SGCD: variants seen among roughly 807,000 people sequenced by gnomAD.
The protein encoded by SGCD is sarcoglycan delta.
SGCD carries 18 observed loss-of-function variants against 36.6 expected under a neutral mutation model. The ratio of observed to expected loss-of-function variants is 0.49; its 90% CI spans 0.34 to 0.73. The LOEUF is 0.73. Among genes scored for constraint, SGCD ranks in the 30% least tolerant of loss-of-function variants. The pLI, the probability that SGCD is intolerant of heterozygous loss-of-function variation, is 0.01. For missense variants in SGCD, 387 were observed against 346.7 expected, an observed-to-expected ratio of 1.12 and a Z score of -0.92; for synonymous variants, 133 against 130.6, an observed-to-expected ratio of 1.02 and a Z score of -0.12.
intron 1 of SGCD, among the ~76,000 whole-genome samples, chr5:156,011,449 GT>G (rs200104490): frequency 2.3e-4 from 34 of 145,400 alleles, no homozygotes; most frequent in East Asian, 8.0e-4. Flanking sequence ...GAATTCTATT[GT>G]TTTTTTTTTT....
intron 3 of SGCD, among the ~76,000 whole-genome samples, chr5:156,452,602 C>T (rs1754069870): frequency 6.6e-6 from 1 of 152,106 alleles, no homozygotes; most frequent in Non-Finnish European, 1.5e-5. Context: ...TTAGAATACA[C>T]CTAATAGATG....
intron 3 of SGCD, among the ~76,000 whole-genome samples, chr5:156,265,280 A>T (rs1765968581): frequency 6.6e-6 from 1 of 151,978 alleles, no homozygotes; most frequent in Non-Finnish European, 1.5e-5. Context: ...TTGGGGAGGG[A>T]GGTAGGGAGA....
At chr5:155,830,439 C>T in the SGCD span, among the ~76,000 whole-genome samples, 1 of 152,182 alleles carries the variant, frequency 6.6e-6, no homozygotes, top group African/African-American at 2.4e-5. Flanking sequence ...GCCTCTATCT[C>T]CAAATGCAGT....
intron 3 of SGCD, among the ~76,000 whole-genome samples, chr5:156,168,851 T>C (rs1763274325): frequency 6.6e-6 from 1 of 152,070 alleles, no homozygotes; most frequent in South Asian, 2.1e-4. Flanking sequence ...TCTCAAGAAG[T>C]TGGAATCAGC....
chr5:155,748,986 T>C, the SGCD span, among the ~76,000 whole-genome samples: 9,831 of 152,250 alleles, frequency 0.065, 799 homozygotes, highest in African/African-American at 0.19. Context: ...CAGGTAATGC[T>C]AGGAGTTAAT....
chr5:156,058,200 A>G (rs769488807), intron 1 of SGCD, among the ~76,000 whole-genome samples: 5 of 146,368 alleles, frequency 3.4e-5, no homozygotes, highest in Non-Finnish European at 6.2e-5. Flanking sequence ...ATAATTACCA[A>G]TTTATATTAA....
chr5:155,774,425 C>T, the SGCD span, among the ~76,000 whole-genome samples: 1 of 152,082 alleles, frequency 6.6e-6, no homozygotes, highest in Non-Finnish European at 1.5e-5. Flanking sequence ...CAGATCAGTG[C>T]AAATTTAGTT....
chr5:156,653,493 C>CTTTTTTTTTTTTTTTTTT (rs111458843), intron 7 of SGCD, among the ~76,000 whole-genome samples: 1,822 of 47,978 alleles, frequency 0.038, 707 homozygotes, highest in Non-Finnish European at 0.055. Context: ...CTAAAGCTTG[C>CTTTTTTTTTTTTTTTTTT]TTTTTTTTTT....
intron 7 of SGCD, among the ~76,000 whole-genome samples, chr5:156,667,183 C>A (rs1253240394): frequency 6.6e-6 from 1 of 152,086 alleles, no homozygotes; most frequent in Non-Finnish European, 1.5e-5. Context: ...CACTTCTGGT[C>A]CCTTATTTCA....
intron 3 of SGCD, among the ~76,000 whole-genome samples, chr5:156,384,288 G>T (rs1485590526): frequency 6.6e-6 from 1 of 152,130 alleles, no homozygotes; most frequent in African/African-American, 2.4e-5. Context: ...TCTTTCACTA[G>T]CTCTTAATAT....
At chr5:156,006,597 A>G (rs1289557128) in intron 1 of SGCD, among the ~76,000 whole-genome samples, 1 of 152,216 alleles carries the variant, frequency 6.6e-6, no homozygotes, top group African/African-American at 2.4e-5. Flanking sequence ...GAGAAAGGAA[A>G]AAATCCTTCT....
At chr5:156,133,745 T>G (rs2127607305) in intron 3 of SGCD, among the ~76,000 whole-genome samples, 1 of 152,286 alleles carries the variant, frequency 6.6e-6, no homozygotes, top group Non-Finnish European at 1.5e-5. Context: ...AGTCTCTTTT[T>G]GACAGTTACT....
chr5:156,178,216 A>T (rs1280841975), intron 3 of SGCD, among the ~76,000 whole-genome samples: 1 of 152,196 alleles, frequency 6.6e-6, no homozygotes, highest in Non-Finnish European at 1.5e-5. Flanking sequence ...AAGTGAAAAA[A>T]AAAATCATAA....
intron 1 of SGCD, among the ~76,000 whole-genome samples, chr5:156,112,283 C>T (rs1761806186): frequency 6.6e-6 from 1 of 152,130 alleles, no homozygotes; most frequent in South Asian, 2.1e-4. Flanking sequence ...TCAAGCATTT[C>T]TTTAGACTTT....
the SGCD span, among the ~76,000 whole-genome samples, chr5:155,745,850 G>A: frequency 6.6e-5 from 10 of 152,186 alleles, no homozygotes; most frequent in Non-Finnish European, 5.9e-5. Context: ...AGTACAAAGT[G>A]TTGGAATGAA....
chr5:156,418,049 G>A (rs138869579), intron 3 of SGCD, among the ~76,000 whole-genome samples: 2 of 152,222 alleles, frequency 1.3e-5, no homozygotes, highest in Non-Finnish European at 2.9e-5. Flanking sequence ...GTAGAAGATC[G>A]TAGACATGTA....
Position 156,433,495 on chromosome 5 carries a change from G to A in SGCD, c.193-75106G>A, listed in dbSNP as rs73812245. Among the ~76,000 whole-genome samples, 1,193 of 152,290 alleles carry A rather than the reference G, an allele frequency of 7.8e-3. 22 individuals carry two copies. Among genetic ancestry groups the A allele is most frequent in the African/African-American group, 0.027 (1,130 of 41,558 alleles). Reference sequence around the variant, plus strand: ...AACCTCAGTTTAGCACTTGGTTGGTGAGCATTAGCAAGCCCCTGTCTCTTT... The same window carrying A: ...AACCTCAGTTTAGCACTTGGTTGGTAAGCATTAGCAAGCCCCTGTCTCTTT... On this transcript the variant is annotated intron_variant, in intron 3 of 8. Coordinates refer to ENST00000337851, the MANE Select transcript of SGCD (RefSeq NM_000337.6).
Position 156,478,027 on chromosome 5 carries a change from C to G in SGCD, c.193-30574C>G, listed in dbSNP as rs185313184. Among the ~76,000 whole-genome samples, 12 of 151,974 alleles carry G rather than the reference C, an allele frequency of 7.9e-5. No individual in the cohort carries two copies. The East Asian group carries it at 2.3e-3, about 30-fold the overall frequency. On this transcript the variant is annotated intron_variant, in intron 3 of 8. Coordinates refer to ENST00000337851, the MANE Select transcript of SGCD (RefSeq NM_000337.6). ...AGGGGAATGGGAAATCCTGGGAGAA[C>G]AATCAGAGGGGGAGCATTGGTCAGT...
intron 6 of SGCD, among the ~76,000 whole-genome samples, chr5:156,638,597 A>G (rs1263826741): frequency 6.6e-6 from 1 of 152,218 alleles, no homozygotes; most frequent in Non-Finnish European, 1.5e-5. Context: ...GTTAAACACA[A>G]CCAGTGAGTT....
Sources: gnomAD v4.1 joint callset for allele counts (sites outside exome capture counted in the v4.1 genomes callset) on GRCh38, gnomAD v4.1.1 for gene constraint, MANE v1.5 for transcripts, NCBI Gene and HGNC (gene_info 2026-07-23, HGNC 2026-07-21) for gene names.